The following DNAJB5 variants were observed in gnomAD, a reference collection of about 807,000 sequenced individuals.
The protein encoded by DNAJB5 is DnaJ heat shock protein family (Hsp40) member B5.
DNAJB5 carries 12 observed loss-of-function variants against 32.6 expected under a neutral mutation model. The observed-to-expected ratio is 0.37, with a 90% CI of 0.24 to 0.60. The LOEUF (loss-of-function observed/expected upper bound fraction) is 0.60. Among genes scored for constraint, DNAJB5 ranks in the 20% least tolerant of loss-of-function variants. The pLI is 0.71. For synonymous variants in DNAJB5, 188 were observed against 212.9 expected (o/e 0.88, Z 1.02); for missense variants, 358 against 554.2 (o/e 0.65, Z 3.55).
intron 1 of DNAJB5, 46 bp downstream of exon 1, chr9:34,989,877 C>T (rs1827570787): frequency 1.6e-6 from 2 of 1,237,268 alleles, no homozygotes; most frequent in Non-Finnish European, 2.0e-6. Context: ...AGCGGGGCGT[C>T]GTGAAGCCAG....
intron 2 of DNAJB5, chr9:34,991,620 C>G (rs1012058580): frequency 3.3e-5 from 7 of 212,410 alleles, no homozygotes; most frequent in South Asian, 6.4e-5. Flanking sequence ...AGACCACCCC[C>G]CCCCGCTCCC....
chr9:34,998,545 C>G (rs561251456), downstream of DNAJB5: 1 of 152,278 alleles, frequency 6.6e-6, no homozygotes, highest in African/African-American at 2.4e-5. Flanking sequence ...TCAGTATAAG[C>G]TGAAGCTGAC....
intron 3 of DNAJB5, among the ~76,000 whole-genome samples, chr9:34,995,759 A>G (rs1240140733): frequency 6.6e-6 from 1 of 152,208 alleles, no homozygotes; most frequent in African/African-American, 2.4e-5. Context: ...AAGCAGAGTG[A>G]AAGTGGTCTT....
Position 34,993,763 on chromosome 9 carries a change from C to T in DNAJB5, c.427+319C>T, listed in dbSNP as rs1827719305. Among the ~76,000 whole-genome samples, 2 of 152,212 alleles carry T rather than the reference C, an allele frequency of 1.3e-5. No individual in the cohort carries two copies. The highest frequency in any genetic ancestry group is 1.3e-4 in the Admixed American group (2 of 15,288). ...CCTGAAGTCTCCGCTGCTTCATTGG[C>T]TGATGAGGAAGGTTGGGGAGAGGGA... On this transcript the variant is annotated intron_variant, in intron 3 of 4. Transcript: ENST00000682809. This position sits in a 1 kb window ranked among gnomAD's most constrained non-coding sequence, Gnocchi z 4.7.
intron 2 of DNAJB5, chr9:34,992,974 G>C: frequency 7.3e-7 from 1 of 1,378,290 alleles, no homozygotes; most frequent in South Asian, 1.6e-5. Context: ...TTCCTGCTGG[G>C]AAAACCCAGG....
rs763366601 is a variant in DNAJB5 at position 34,997,348 on chromosome 9, C to T, written c.*89C>T. On this transcript the variant is annotated 3_prime_UTR_variant, in exon 5 of 5. Transcript: ENST00000682809. The surrounding 1 kb of genome is among the most constrained non-coding windows in gnomAD (Gnocchi z 4.1). ...TGCACCCAGCTTGATGTCCACTGGA[C>T]ACTGGCAACTTTTTCTAAAATGCAA... 7.3e-7 allele frequency: 1 copy of T among 1,363,032 alleles called. No individual in the cohort carries two copies. The highest frequency in any genetic ancestry group is 1.0e-6 in the Non-Finnish European group (1 of 954,254). The allele number at this position is 1,363,032 out of a possible 1,614,324, so 84.4% of individuals were successfully genotyped here. A position where few individuals can be genotyped will look rare whatever the true frequency, so the allele number is the denominator to read the frequency against.
Position 34,990,107 on chromosome 9 carries a change from C to T in DNAJB5, c.-133+276C>T. 5.2e-6 allele frequency: 4 copies of T among 766,778 alleles called. No individual in the cohort carries two copies. Among genetic ancestry groups the T allele is most frequent in the Non-Finnish European group, 8.0e-6 (4 of 500,374 alleles). The allele number at this position is 766,778 out of a possible 1,614,324, so 47.5% of individuals were successfully genotyped here. On this transcript the variant is annotated intron_variant, in intron 1 of 4. Coordinates refer to ENST00000682809, the MANE Select transcript of DNAJB5 (RefSeq NM_001349723.3). This position sits in a 1 kb window ranked among gnomAD's most constrained non-coding sequence, Gnocchi z 4.5. ...GGGGCGGAGGCATCTGTGAGCAGAC[C>T]AGCCAGCCAGCGCGGGTGACATCAC... is the stretch of plus-strand genomic sequence containing the variant.
intron 2 of DNAJB5, chr9:34,992,981 C>G: frequency 1.4e-6 from 2 of 1,386,858 alleles, no homozygotes; most frequent in East Asian, 5.5e-5. Flanking sequence ...TGGGAAAACC[C>G]AGGAGGTGAG....
intron 2 of DNAJB5, chr9:34,991,854 G>A: frequency 5.4e-6 from 1 of 184,544 alleles, no homozygotes; most frequent in Non-Finnish European, 1.2e-5. Context: ...CCTGCAGCAG[G>A]GCCTGTGGGG....
In DNAJB5 at chr9:34,993,184, C is replaced by T. The variant is rs1450293118; in HGVS notation, c.183-16C>T. 1 of 1,604,834 alleles carries T rather than the reference C, an allele frequency of 6.2e-7. No individual in the cohort carries two copies. The highest frequency in any genetic ancestry group is 1.1e-5 in the South Asian group (1 of 90,138). ...AGAAGAGAAGGCATCAAGTCTTGGC[C>T]CTGGGTTTCTTTCAGAAACAAGGAG... On this transcript the variant is annotated splice_polypyrimidine_tract_variant and intron_variant, in intron 2 of 4. Coordinates refer to ENST00000682809, the MANE Select transcript of DNAJB5 (RefSeq NM_001349723.3). The surrounding 1 kb of genome is among the most constrained non-coding windows in gnomAD (Gnocchi z 4.7).
rs1366080962 is a variant in DNAJB5 at position 34,993,940 on chromosome 9, G to C, written c.427+496G>C. Among the ~76,000 whole-genome samples the C allele has an allele frequency of 6.6e-6, 1 of 152,220 alleles. No individual in the cohort carries two copies. The highest frequency in any genetic ancestry group is 2.4e-5 in the African/African-American group (1 of 41,446). On this transcript the variant is annotated intron_variant, in intron 3 of 4. Coordinates refer to ENST00000682809, the MANE Select transcript of DNAJB5 (RefSeq NM_001349723.3). The surrounding 1 kb of genome is among the most constrained non-coding windows in gnomAD (Gnocchi z 4.7). ...GCCTGCTTCTGGCCAGCAGAACAGAGGTGGAGCTTTGCCTCCCAGAGGAAG... is the reference window on the plus strand; with the variant it reads ...GCCTGCTTCTGGCCAGCAGAACAGACGTGGAGCTTTGCCTCCCAGAGGAAG...
rs1827604245 is a variant in DNAJB5 at position 34,990,722 on chromosome 9, G to T, written c.92G>T (p.Gly31Val). The T allele has an allele frequency of 9.7e-6, 15 of 1,551,732 alleles. No homozygotes were observed. The highest frequency in any genetic ancestry group is 1.1e-5 in the Non-Finnish European group (13 of 1,147,000). Residue 31 changes from glycine to valine, a missense_variant, in exon 2 of 5, where the codon GGA becomes GTA. By Grantham distance (109) the Gly-to-Val change is moderately radical. Transcript: ENST00000682809. The surrounding 1 kb of genome is among the most constrained non-coding windows in gnomAD (Gnocchi z 4.5). Reference sequence around the variant, plus strand: ...TTCCGGAGCTTCCCACACTCCTGGGGAGAAGACTTCTTAGCCAGCTTGATG... The same window carrying T: ...TTCCGGAGCTTCCCACACTCCTGGGTAGAAGACTTCTTAGCCAGCTTGATG... ...GAFRSFPHSWGEDFLASLMFK... is the reference protein window; with the variant it reads ...GAFRSFPHSWVEDFLASLMFK...
At position 34,990,168 on chromosome 9, in the gene DNAJB5, T is replaced by C. The variant is rs1158243517; in HGVS notation, c.-132-331T>C. 13 of 488,764 alleles carry C rather than the reference T, an allele frequency of 2.7e-5. No homozygotes were observed. Among genetic ancestry groups the C allele is most frequent in the Admixed American group, 1.5e-4 (4 of 26,954 alleles). The allele number at this position is 488,764 out of a possible 1,614,324, so 30.3% of individuals were successfully genotyped here. ...CCCCCGCCCGAGCCCCCTCCCCTCCTCTCCTCGCCGCGCCTTTTGTCCCGG... is the reference window on the plus strand; with the variant it reads ...CCCCCGCCCGAGCCCCCTCCCCTCCCCTCCTCGCCGCGCCTTTTGTCCCGG... On this transcript the variant is annotated intron_variant, in intron 1 of 4. Coordinates refer to ENST00000682809, the MANE Select transcript of DNAJB5 (RefSeq NM_001349723.3). The surrounding 1 kb of genome is among the most constrained non-coding windows in gnomAD (Gnocchi z 4.5).
rs375099747 is a variant in DNAJB5 at position 34,993,483 on chromosome 9, C to T, written c.427+39C>T. ...ACTCCAGCCCAATCCCGGACCCCTC[C>T]GCTTGGTAGGGGTCCCAGGTGCACC... On this transcript the variant is annotated intron_variant, in intron 3 of 4. Transcript: ENST00000682809. This position sits in a 1 kb window ranked among gnomAD's most constrained non-coding sequence, Gnocchi z 4.7. 1.8e-5 allele frequency: 28 copies of T among 1,583,040 alleles called. No individual in the cohort carries two copies. The highest frequency in any genetic ancestry group is 2.3e-5 in the Non-Finnish European group (27 of 1,168,778).
chr9:34,996,222 G>A lies in DNAJB5; in HGVS notation c.428-43G>A, dbSNP rs1289997180. On this transcript the variant is annotated intron_variant, in intron 3 of 4. Coordinates refer to ENST00000682809, the MANE Select transcript of DNAJB5 (RefSeq NM_001349723.3). The surrounding 1 kb of genome is among the most constrained non-coding windows in gnomAD (Gnocchi z 7.2). ...GCAGGGGGAAGACACTGGGATTGGG[G>A]CCAGAATAAGCCACACTGCCCCTAA... The A allele has an allele frequency of 3.2e-6, 5 of 1,578,162 alleles. No individual in the cohort carries two copies. Among genetic ancestry groups the A allele is most frequent in the Admixed American group, 3.5e-5 (2 of 57,236 alleles).
intron 2 of DNAJB5, chr9:34,992,764 G>A (rs1224625342): frequency 2.0e-6 from 2 of 1,004,898 alleles, no homozygotes; most frequent in Non-Finnish European, 1.2e-6. Context: ...CCCTCAGCCT[G>A]GGCACCATGC....
In DNAJB5 at chr9:34,990,778, C is replaced by G. The variant is rs927805802; in HGVS notation, c.148C>G (p.Arg50Gly). The G allele has an allele frequency of 6.4e-7, 1 of 1,551,620 alleles. No individual in the cohort carries two copies. Among genetic ancestry groups the G allele is most frequent in the East Asian group, 2.4e-5 (1 of 40,914 alleles). Residue 50 changes from arginine (R) to glycine (G), a missense_variant, in exon 2 of 5, where the codon CGA (arginine) becomes GGA (glycine). Physicochemically the swap from Arg to Gly is moderately radical, Grantham distance 125. This residue lies in a region of DNAJB5 where 110 missense variants were observed against 111.7 expected (regional missense o/e 0.99). Transcript: ENST00000682809. The surrounding 1 kb of genome is among the most constrained non-coding windows in gnomAD (Gnocchi z 4.5). ...AATTCAGCTGGAGCCCTTAAAACTT[C>G]GAGCGTGGACGCTGAATGGGTTTGT... ...FKIQLEPLKL[R>G]AWTLNGFVKF...
rs746156137 is a variant in DNAJB5, at chr9:34,995,663, T to C, written c.428-602T>C. Among the ~76,000 whole-genome samples the C allele has an allele frequency of 5.9e-5, 9 of 152,350 alleles. No individual in the cohort carries two copies. In the South Asian group the frequency reaches 1.9e-3, roughly 32 times the overall value. On this transcript the variant is annotated intron_variant, in intron 3 of 4. Coordinates refer to ENST00000682809, the MANE Select transcript of DNAJB5 (RefSeq NM_001349723.3). ...CTTTTTCTAGAAAAATAGCTCTTCATCTCCAAGCTAATGAGCTTTCCCACT... is the reference window on the plus strand; with the variant it reads ...CTTTTTCTAGAAAAATAGCTCTTCACCTCCAAGCTAATGAGCTTTCCCACT...
At position 34,991,669 on chromosome 9, in the gene DNAJB5, C is replaced by CCG. The variant is rs1491422629; in HGVS notation, c.182+858_182+859insGC. On this transcript the variant is annotated intron_variant, in intron 2 of 4. Coordinates refer to ENST00000682809, the MANE Select transcript of DNAJB5 (RefSeq NM_001349723.3). ...TTGCTGCCATTTCCGAAAACGGTTG[C>CCG]CCCCCCCCCCAACGAGGTGCTCTTT... 5.0e-5 allele frequency: 4 copies of CCG among 79,516 alleles called. 1 individual carries two copies. The highest frequency in any genetic ancestry group is 6.9e-4 in the East Asian group (2 of 2,878). The allele number at this position is 79,516 out of a possible 1,614,324, so 4.9% of individuals were successfully genotyped here.
Sources: gnomAD v4.1 joint callset for allele counts (sites outside exome capture counted in the v4.1 genomes callset) on GRCh38, gnomAD v4.1.1 for gene constraint, gnomAD v4.1.1 regional missense constraint, Gnocchi (gnomAD v3.1) non-coding constraint, MANE v1.5 for transcripts, NCBI Gene and HGNC (gene_info 2026-07-23, HGNC 2026-07-21) for gene names.